Variants in VIPR2 observed in about 807,000 individuals in gnomAD.
The protein encoded by VIPR2 is vasoactive intestinal polypeptide receptor 2.
VIPR2 carries 48 observed loss-of-function variants against 58.0 expected under a neutral mutation model. That is an observed-to-expected ratio of 0.83 (90% confidence interval 0.66 to 1.05). The LOEUF (loss-of-function observed/expected upper bound fraction) is 1.05. VIPR2 is among the 50% of genes least tolerant of loss of function. The pLI, the probability that VIPR2 is intolerant of heterozygous loss-of-function variation, is 0.00. For synonymous variants in VIPR2, 243 were observed against 235.2 expected, an observed-to-expected ratio of 1.03 and a Z score of -0.30; for missense variants, 534 against 558.0, an observed-to-expected ratio of 0.96 and a Z score of 0.43.
intron 2 of VIPR2, among the ~76,000 whole-genome samples, chr7:159,116,435 AAGTGGGCAG>A (rs1331182945): frequency 5.9e-5 from 9 of 151,712 alleles, no homozygotes; most frequent in Non-Finnish European, 1.2e-4. Flanking sequence ...TTGGGAAAGC[AAGTGGGCAG>A]AGTGGGCAGT....
In VIPR2 at chr7:159,098,461, A is replaced by C. The variant is rs566944844; in HGVS notation, c.357+5296T>G. Among the ~76,000 whole-genome samples the C allele has an allele frequency of 5.6e-4, 85 of 152,206 alleles. No individual in the cohort carries two copies. Among genetic ancestry groups the C allele is most frequent in the Non-Finnish European group, 9.7e-4 (66 of 68,034 alleles). ...GCTGGTCTTGGCAGGAAGAGGACAC[A>C]GACGGGAAGACCTTGGACAGGGAGA... On this transcript the variant is annotated intron_variant, in intron 4 of 12. Coordinates refer to ENST00000262178, the MANE Select transcript of VIPR2 (RefSeq NM_003382.5). The surrounding 1 kb of genome is among the most constrained non-coding windows in gnomAD (Gnocchi z 5.2).
At chr7:159,074,623 GT>G (rs1856553285) in intron 4 of VIPR2, among the ~76,000 whole-genome samples, 1 of 152,166 alleles carries the variant, frequency 6.6e-6, no homozygotes, top group South Asian at 2.1e-4. Flanking sequence ...ATGATATTTG[GT>G]TACTGCAACG....
At position 159,030,342 on chromosome 7, in the gene VIPR2, C is replaced by CAAAA. The variant is rs869158676; in HGVS notation, c.*270_*273dup. 2.6e-4 allele frequency: 52 copies of CAAAA among 200,780 alleles called. No individual in the cohort carries two copies. Among genetic ancestry groups the CAAAA allele is most frequent in the African/African-American group, 6.8e-4 (16 of 23,446 alleles). 12.4% of individuals were successfully genotyped at this position (200,780 alleles called of 1,614,324 possible). On this transcript the variant is annotated 3_prime_UTR_variant, in exon 13 of 13. Transcript: ENST00000262178. ...TGGGCGACAGAGCGAGACTCCGTCT[C>CAAAA]AAAAAAAAAAAAAAAAAAAAAAGTG...
intron 4 of VIPR2, among the ~76,000 whole-genome samples, chr7:159,062,792 G>GC (rs1319035296): frequency 2.0e-5 from 3 of 152,208 alleles, no homozygotes; most frequent in East Asian, 1.9e-4. Context: ...CCCTTATCTG[G>GC]CCCCACCCTC....
chr7:159,084,189 G>A (rs1857052932), intron 4 of VIPR2, among the ~76,000 whole-genome samples: 1 of 152,234 alleles, frequency 6.6e-6, no homozygotes, highest in Non-Finnish European at 1.5e-5. Context: ...CAAGACCAAC[G>A]CGCACCAGGC....
At position 159,030,347 on chromosome 7, in the gene VIPR2, A is replaced by AC. The variant is rs1853464637; in HGVS notation, c.*268_*269insG. The AC allele has an allele frequency of 6.6e-6, 2 of 301,750 alleles. No individual in the cohort carries two copies. The highest frequency in any genetic ancestry group is 1.2e-5 in the Non-Finnish European group (2 of 163,514). The allele number at this position is 301,750 out of a possible 1,614,324, so 18.7% of individuals were successfully genotyped here. ...GACAGAGCGAGACTCCGTCTCAAAA[A>AC]AAAAAAAAAAAAAAAAAGTGGATCC... On this transcript the variant is annotated 3_prime_UTR_variant, in exon 13 of 13. Coordinates refer to ENST00000262178, the MANE Select transcript of VIPR2 (RefSeq NM_003382.5).
intron 3 of VIPR2, 122 bp downstream of exon 3, chr7:159,109,690 G>T: frequency 1.1e-6 from 1 of 894,170 alleles, no homozygotes; most frequent in Non-Finnish European, 1.8e-6. Context: ...GCTGTTCCCT[G>T]ACCCCCAGGG....
intron 4 of VIPR2, among the ~76,000 whole-genome samples, chr7:159,102,001 C>G (rs1858302389): frequency 8.4e-6 from 1 of 119,326 alleles, no homozygotes. Context: ...GAATGAGTCT[C>G]ACGAGATCCG....
chr7:159,088,616 A>G (rs1011194720), intron 4 of VIPR2, among the ~76,000 whole-genome samples: 5 of 152,254 alleles, frequency 3.3e-5, no homozygotes, highest in African/African-American at 1.2e-4. Flanking sequence ...TGCACAGGAC[A>G]GTGTCTCACA....
chr7:159,121,244 T>C (rs1025512952), intron 2 of VIPR2, among the ~76,000 whole-genome samples: 1 of 144,090 alleles, frequency 6.9e-6, no homozygotes, highest in Non-Finnish European at 1.5e-5. Context: ...CGGGGCAGAC[T>C]CTAACACAGC....
intron 2 of VIPR2, among the ~76,000 whole-genome samples, chr7:159,125,057 G>A (rs1056904324): frequency 3.3e-5 from 5 of 152,190 alleles, no homozygotes; most frequent in African/African-American, 9.7e-5. Flanking sequence ...GGGTTTTCTA[G>A]ATATAGAATC....
intron 4 of VIPR2, among the ~76,000 whole-genome samples, chr7:159,090,900 A>T (rs2129495302): frequency 8.4e-6 from 1 of 119,120 alleles, no homozygotes; most frequent in Non-Finnish European, 1.8e-5. Flanking sequence ...CACAGGGGCC[A>T]CCTATTGTGA....
intron 4 of VIPR2, among the ~76,000 whole-genome samples, chr7:159,086,157 G>C (rs1585450325): frequency 6.6e-6 from 1 of 152,194 alleles, no homozygotes. Flanking sequence ...CCATAAAACT[G>C]CTCTAAAAAG....
chr7:159,140,713 C>A (rs1456963815), intron 2 of VIPR2, among the ~76,000 whole-genome samples: 1 of 152,242 alleles, frequency 6.6e-6, no homozygotes, highest in African/African-American at 2.4e-5. Context: ...TGAACCCGCT[C>A]AAGCTGGCGT....
At position 159,096,837 on chromosome 7, in the gene VIPR2, C is replaced by G; in HGVS notation, c.357+6920G>C. The G allele has an allele frequency of 6.7e-7, 1 of 1,487,822 alleles. No individual in the cohort carries two copies. Among genetic ancestry groups the G allele is most frequent in the Non-Finnish European group, 9.0e-7 (1 of 1,109,010 alleles). 92.2% of individuals were successfully genotyped at this position (1,487,822 alleles called of 1,614,324 possible). On this transcript the variant is annotated intron_variant, in intron 4 of 12. Coordinates refer to ENST00000262178, the MANE Select transcript of VIPR2 (RefSeq NM_003382.5). This position sits in a 1 kb window ranked among gnomAD's most constrained non-coding sequence, Gnocchi z 5.5. ...GCCCAGCTCTTGTCCCGGCCCACCT[C>G]GGGATGCTTCCGCCGTACTGTGTCC... is the stretch of plus-strand genomic sequence containing the variant.
intron 4 of VIPR2, among the ~76,000 whole-genome samples, chr7:159,091,036 C>A (rs967199742): frequency 9.9e-5 from 15 of 151,962 alleles, no homozygotes; most frequent in Non-Finnish European, 1.5e-5. Context: ...CAGGGGCCAC[C>A]TCTTGTGACC....
chr7:159,088,629 T>A (rs1857314561), intron 4 of VIPR2, among the ~76,000 whole-genome samples: 1 of 152,236 alleles, frequency 6.6e-6, no homozygotes, highest in Non-Finnish European at 1.5e-5. Flanking sequence ...GTCTCACAAG[T>A]TGGACTAAGC....
intron 10 of VIPR2, among the ~76,000 whole-genome samples, chr7:159,033,590 G>A (rs1236285627): frequency 6.6e-6 from 1 of 152,200 alleles, no homozygotes; most frequent in Non-Finnish European, 1.5e-5. Context: ...GTGACTGGCT[G>A]AACGTCTGCC....
intron 6 of VIPR2, among the ~76,000 whole-genome samples, chr7:159,037,657 A>G (rs1854060849): frequency 6.6e-6 from 1 of 152,226 alleles, no homozygotes; most frequent in Non-Finnish European, 1.5e-5. Flanking sequence ...TTCTGAGGAC[A>G]TTTTAAAAGG....
Sources: gnomAD v4.1 joint callset for allele counts (sites outside exome capture counted in the v4.1 genomes callset) on GRCh38, gnomAD v4.1.1 for gene constraint, Gnocchi (gnomAD v3.1) non-coding constraint, MANE v1.5 for transcripts, NCBI Gene and HGNC (gene_info 2026-07-23, HGNC 2026-07-21) for gene names.